RAB39B: variants seen among roughly 807,000 people sequenced by gnomAD.
RAB39B encodes the protein RAB39B, member RAS oncogene family.
For synonymous variants in RAB39B, 63 were observed against 67.5 expected, an observed-to-expected ratio of 0.93 and a Z score of 0.33; for missense variants, 68 against 171.3, an observed-to-expected ratio of 0.40 and a Z score of 3.37.
rs971608443 is a variant in RAB39B at position 155,258,730 on chromosome X, A to G, written c.*2073T>C. On this transcript the variant is annotated 3_prime_UTR_variant, in exon 2 of 2. Coordinates refer to ENST00000369454, the MANE Select transcript of RAB39B (RefSeq NM_171998.4). ...AAGTTTTGTTTCTTTCCTTTTTTGA[A>G]CTGACAGAATCCAGTCGACTCTCAT... 1.8e-5 allele frequency: 2 copies of G among 112,091 alleles called. No homozygotes were observed. The highest frequency in any genetic ancestry group is 6.5e-5 in the African/African-American group (2 of 30,832). 9.2% of individuals were successfully genotyped at this position (112,091 alleles called of 1,213,427 possible).
In RAB39B at chrX:155,258,261, C is replaced by T. The variant is rs1557313878; in HGVS notation, c.*2542G>A. 1 of 112,057 alleles carries T rather than the reference C, an allele frequency of 8.9e-6. No individual in the cohort carries two copies. Among genetic ancestry groups the T allele is most frequent in the Non-Finnish European group, 1.9e-5 (1 of 53,189 alleles). The allele number at this position is 112,057 out of a possible 1,213,427, so 9.2% of individuals were successfully genotyped here. ...CACAGTCACATAATCAATCATTTTA[C>T]TAAATACAAGCATATTTTCATTCAC... is the stretch of plus-strand genomic sequence containing the variant. On this transcript the variant is annotated 3_prime_UTR_variant, in exon 2 of 2. Transcript: ENST00000369454.
chrX:155,262,624 C>G (rs1557314390), intron 1 of RAB39B, among the ~76,000 whole-genome samples: 1 of 111,851 alleles, frequency 8.9e-6, no homozygotes, highest in East Asian at 2.8e-4. Context: ...GCTACATAAA[C>G]CTTAAATTCT....
intron 1 of RAB39B, among the ~76,000 whole-genome samples, chrX:155,262,049 T>C (rs782695380): frequency 7.0e-4 from 78 of 111,646 alleles, no homozygotes; most frequent in Non-Finnish European, 1.3e-3. Context: ...AAACTTCACA[T>C]GTTTTAACTT....
chrX:155,261,837 TTTATTATTA>T (rs781787000), intron 1 of RAB39B, among the ~76,000 whole-genome samples: 5 of 108,289 alleles, frequency 4.6e-5, no homozygotes, highest in African/African-American at 1.0e-4. Flanking sequence ...ATTATTATTG[TTTATTATTA>T]TTATTATTAT....
intron 1 of RAB39B, 21 bp downstream of exon 1, chrX:155,264,053 G>A (rs188498147): frequency 5.3e-5 from 63 of 1,194,771 alleles, no homozygotes; most frequent in Non-Finnish European, 6.8e-5. Context: ...CACTGCTTGC[G>A]GGCCCGGACT....
In RAB39B at chrX:155,259,060, T is replaced by C. The variant is rs1276170533; in HGVS notation, c.*1743A>G. 1 of 112,345 alleles carries C rather than the reference T, an allele frequency of 8.9e-6. No individual in the cohort carries two copies. The highest frequency in any genetic ancestry group is 3.2e-5 in the African/African-American group (1 of 30,930). The allele number at this position is 112,345 out of a possible 1,213,427, so 9.3% of individuals were successfully genotyped here. ...TTTCTTTATTCTGGCTAAAGCAAAT[T>C]CCCAAAGTTTCAGATTCGGTCACAT... On this transcript the variant is annotated 3_prime_UTR_variant, in exon 2 of 2. Transcript: ENST00000369454.
rs782042596 is a variant in RAB39B at position 155,260,866 on chromosome X, A to C, written c.579T>G (p.Phe193Leu). The C allele has an allele frequency of 1.7e-6, 2 of 1,211,709 alleles. No individual in the cohort carries two copies. The highest frequency in any genetic ancestry group is 2.2e-6 in the Non-Finnish European group (2 of 895,142). Reference protein sequence around the residue: ...QEGWEGVKSGFVPNVVHSSEE... With the variant: ...QEGWEGVKSGLVPNVVHSSEE... ...CTGAAGAGTGAACCACATTTGGTAC[A>C]AATCCACTCTTCACCCCTTCCCAGC... Residue 193 changes from phenylalanine to leucine, a missense_variant, in exon 2 of 2, where the codon TTT (phenylalanine) becomes TTG (leucine). Phe to Leu is a conservative substitution (Grantham distance 22, BLOSUM62 0). Transcript: ENST00000369454.
chrX:155,260,593 C>A lies in RAB39B; in HGVS notation c.*210G>T. On this transcript the variant is annotated 3_prime_UTR_variant, in exon 2 of 2. Transcript: ENST00000369454. ...GCATGGGCCACAAAACAGTGCCTGG[C>A]CTGGCCCATGTCAGCAATTCAGTCC... The A allele has an allele frequency of 2.2e-6, 1 of 450,971 alleles. No homozygotes were observed. The highest frequency in any genetic ancestry group is 3.5e-5 in the Admixed American group (1 of 28,303). The allele number at this position is 450,971 out of a possible 1,213,427, so 37.2% of individuals were successfully genotyped here.
At position 155,260,978 on chromosome X, in the gene RAB39B, T is replaced by C; in HGVS notation, c.467A>G (p.Asp156Gly). The C allele has an allele frequency of 5.0e-6, 6 of 1,211,795 alleles. No individual in the cohort carries two copies. Among genetic ancestry groups the C allele is most frequent in the Non-Finnish European group, 6.7e-6 (6 of 895,521 alleles). The change falls in exon 2 of 2, where the codon GAT (aspartate) becomes GGT (glycine). Residue 156 changes from aspartate to glycine, a missense_variant. By Grantham distance (94) the Asp-to-Gly change is moderately conservative. Transcript: ENST00000369454. ...GMKYIETSARDAINVEKAFTD... is the reference protein window; with the variant it reads ...GMKYIETSARGAINVEKAFTD... Reference sequence around the variant, plus strand: ...GAAGGCTTTCTCCACATTAATGGCATCTCGGGCTGACGTTTCAATGTACTT... The same window carrying C: ...GAAGGCTTTCTCCACATTAATGGCACCTCGGGCTGACGTTTCAATGTACTT...
At chrX:155,262,550 A>C (rs1424977029) in intron 1 of RAB39B, among the ~76,000 whole-genome samples, 3 of 112,511 alleles carry the variant, frequency 2.7e-5, no homozygotes, top group Non-Finnish European at 5.6e-5. Context: ...ATATATTATT[A>C]CATTAATTGT....
chrX:155,259,101 ATAT>A lies in RAB39B; in HGVS notation c.*1699_*1701del, dbSNP rs2074843843. On this transcript the variant is annotated 3_prime_UTR_variant, in exon 2 of 2. Transcript: ENST00000369454. ...TCGGTCACATTCATACTGAAGTTCA[ATAT>A]TATATCTCAAAGCGATTTGCCATTC... is the stretch of plus-strand genomic sequence containing the variant. 1 of 112,262 alleles carries A rather than the reference ATAT, an allele frequency of 8.9e-6. No homozygotes were observed. The allele number at this position is 112,262 out of a possible 1,213,427, so 9.3% of individuals were successfully genotyped here.
chrX:155,264,045 C>T (rs782570105), intron 1 of RAB39B, 29 bp downstream of exon 1: 1 of 1,189,363 alleles, frequency 8.4e-7, no homozygotes, highest in South Asian at 1.8e-5. Flanking sequence ...GACCCTCCCA[C>T]TGCTTGCGGG....
rs1288769648 is a variant in RAB39B, at chrX:155,259,543, T to C, written c.*1260A>G. The C allele has an allele frequency of 8.9e-6, 1 of 112,338 alleles. No individual in the cohort carries two copies. The highest frequency in any genetic ancestry group is 1.9e-5 in the Non-Finnish European group (1 of 53,315). 9.3% of individuals were successfully genotyped at this position (112,338 alleles called of 1,213,427 possible). ...TTCTAATGTCTTTTTAGTTGTGCAATTATTCACTTGTTTAAAGCCCTCTTG... is the reference window on the plus strand; with the variant it reads ...TTCTAATGTCTTTTTAGTTGTGCAACTATTCACTTGTTTAAAGCCCTCTTG... On this transcript the variant is annotated 3_prime_UTR_variant, in exon 2 of 2. Coordinates refer to ENST00000369454, the MANE Select transcript of RAB39B (RefSeq NM_171998.4).
At chrX:155,263,844 G>A (rs1818869212) in intron 1 of RAB39B, among the ~76,000 whole-genome samples, 3 of 111,907 alleles carry the variant, frequency 2.7e-5, no homozygotes, top group Non-Finnish European at 3.8e-5. Context: ...GGGCAGGTTG[G>A]TGGAGTTGTG....
chrX:155,261,659 T>C (rs1438208845), intron 1 of RAB39B, among the ~76,000 whole-genome samples: 4 of 111,648 alleles, frequency 3.6e-5, no homozygotes, highest in Non-Finnish European at 5.6e-5. Flanking sequence ...AAACAATGGA[T>C]ATTAAAGTGT....
In RAB39B at chrX:155,261,095, A is replaced by G. The variant is rs957747020; in HGVS notation, c.350T>C (p.Val117Ala). The G allele has an allele frequency of 4.1e-6, 5 of 1,209,759 alleles. No individual in the cohort carries two copies. The highest frequency in any genetic ancestry group is 5.6e-6 in the Non-Finnish European group (5 of 895,181). ...TKVHVQPYQIVFVLVGHKCDL... is the reference protein window; with the variant it reads ...TKVHVQPYQIAFVLVGHKCDL... ...ACACTTGTGACCCACCAGAACAAAT[A>G]CAATTTGGTAGGGCTGAACGTGTAC... Residue 117 changes from valine to alanine, a missense_variant, in exon 2 of 2, where the codon GTA (valine) becomes GCA (alanine). Physicochemically the swap from Val to Ala is moderately conservative, Grantham distance 64. Transcript: ENST00000369454.
Position 155,263,945 on chromosome X carries a change from G to A in RAB39B, c.215+129C>T, listed in dbSNP as rs782795382. On this transcript the variant is annotated intron_variant, in intron 1 of 1. Coordinates refer to ENST00000369454, the MANE Select transcript of RAB39B (RefSeq NM_171998.4). ...CCGGGTTAGCCGAAGGTGGGCTTCG[G>A]CAGAATCCTCAAGACCCTTGGTGTT... 182 of 646,780 alleles carry A rather than the reference G, an allele frequency of 2.8e-4. 2 individuals carry two copies. The South Asian group carries it at 4.2e-3, about 15-fold the overall frequency. The allele number at this position is 646,780 out of a possible 1,213,427, so 53.3% of individuals were successfully genotyped here. A position where few individuals can be genotyped will look rare whatever the true frequency, so the allele number is the denominator to read the frequency against.
At chrX:155,263,927 A>G (rs2074860786) in intron 1 of RAB39B, 147 bp downstream of exon 1, 2 of 550,624 alleles carry the variant, frequency 3.6e-6, no homozygotes, top group African/African-American at 4.6e-5. Context: ...ACTCCGGGTT[A>G]GCCGAAGGTG....
rs1449368269 is a variant in RAB39B at position 155,263,992 on chromosome X, A to T, written c.215+82T>A. ...TGTTGCCCTCCTGGACCGCACCTAG[A>T]ACCAGGAAGTCCTCTCTCCCCAGAG... On this transcript the variant is annotated intron_variant, in intron 1 of 1. Transcript: ENST00000369454. 3.2e-6 allele frequency: 3 copies of T among 942,113 alleles called. No individual in the cohort carries two copies. In the Admixed American group the frequency reaches 6.7e-5, roughly 21 times the overall value. The allele number at this position is 942,113 out of a possible 1,213,427, so 77.6% of individuals were successfully genotyped here.
Sources: allele counts gnomAD v4.1 joint callset (sites outside exome capture counted in the v4.1 genomes callset), GRCh38; gene constraint gnomAD v4.1.1; transcripts MANE v1.5; gene names NCBI Gene and HGNC (gene_info 2026-07-23, HGNC 2026-07-21).